Variants in CNTN3 observed in about 807,000 individuals in gnomAD.
CNTN3 encodes contactin-3.
In CNTN3, 60 loss-of-function variants were observed where a neutral mutation model predicts 119.1. That is an observed-to-expected ratio of 0.50 (90% CI 0.41 to 0.62). The LOEUF (loss-of-function observed/expected upper bound fraction) is 0.62, where lower values mean the gene tolerates loss of function less well. CNTN3 is among the 20% of genes least tolerant of loss of function. The pLI is 0.00. For missense variants in CNTN3, 1,101 were observed against 1,242.4 expected, an observed-to-expected ratio of 0.89 and a Z score of 1.71; for synonymous variants, 450 against 438.7, an observed-to-expected ratio of 1.03 and a Z score of -0.32.
At chr3:74,477,709 A>C (rs1251404040) in intron 4 of CNTN3, among the ~76,000 whole-genome samples, 1 of 152,122 alleles carries the variant, frequency 6.6e-6, no homozygotes, top group East Asian at 1.9e-4. Flanking sequence ...ATGGTTTATA[A>C]CACGAAGGAT....
intron 2 of CNTN3, among the ~76,000 whole-genome samples, chr3:74,515,826 C>T (rs984816363): frequency 1.3e-5 from 2 of 151,976 alleles, no homozygotes; most frequent in East Asian, 3.9e-4. Context: ...GGAAGTTCAG[C>T]GTTTGACCAT....
In CNTN3 at chr3:74,273,300, G is replaced by A. The variant is rs1187223888; in HGVS notation, c.2705-5922C>T. On this transcript the variant is annotated intron_variant, in intron 20 of 22. Coordinates refer to ENST00000263665, the MANE Select transcript of CNTN3 (RefSeq NM_020872.3). ...CTACTTGGAACAGATCCTGGCAAAC[G>A]GGAGGCAGGCCTAGACTGCAGCTCC... Among the ~76,000 whole-genome samples, 6 of 152,126 alleles carry A rather than the reference G, an allele frequency of 3.9e-5. No homozygotes were observed. In the South Asian group the frequency reaches 8.3e-4, roughly 21 times the overall value.
intron 1 of CNTN3, among the ~76,000 whole-genome samples, chr3:74,553,473 A>G (rs867662835): frequency 6.6e-6 from 1 of 152,148 alleles, no homozygotes; most frequent in Non-Finnish European, 1.5e-5. Flanking sequence ...GCTAGGTCAA[A>G]TGGTATTTCT....
chr3:74,347,157 T>C (rs1703710953), intron 11 of CNTN3, among the ~76,000 whole-genome samples: 1 of 152,132 alleles, frequency 6.6e-6, no homozygotes, highest in African/African-American at 2.4e-5. Context: ...TAAAATGTGA[T>C]CATTAGGTAG....
chr3:74,296,250 TAA>T (rs916763340), intron 18 of CNTN3, among the ~76,000 whole-genome samples: 11 of 152,096 alleles, frequency 7.2e-5, no homozygotes, highest in Non-Finnish European at 1.3e-4. Context: ...GCAAAAATGA[TAA>T]GAGGAGAAGA....
At chr3:74,599,565 C>T (rs1055884991) in intron 1 of CNTN3, among the ~76,000 whole-genome samples, 1 of 152,168 alleles carries the variant, frequency 6.6e-6, no homozygotes, top group Non-Finnish European at 1.5e-5. Flanking sequence ...CCCTCACATA[C>T]GCAATTCACA....
chr3:74,592,011 A>G (rs964828322), intron 1 of CNTN3, among the ~76,000 whole-genome samples: 11 of 151,922 alleles, frequency 7.2e-5, no homozygotes, highest in African/African-American at 2.7e-4. Context: ...GCAAGGGAAG[A>G]AGGCTAAAAT....
At chr3:74,411,939 T>C (rs953913849) in intron 5 of CNTN3, among the ~76,000 whole-genome samples, 1 of 152,158 alleles carries the variant, frequency 6.6e-6, no homozygotes, top group Non-Finnish European at 1.5e-5. Context: ...CTTTCAGATA[T>C]AATAATGTCA....
intron 5 of CNTN3, among the ~76,000 whole-genome samples, chr3:74,385,306 A>T (rs562339100): frequency 1.3e-5 from 2 of 152,178 alleles, no homozygotes; most frequent in Non-Finnish European, 2.9e-5. Flanking sequence ...AACATAGAAC[A>T]TCTCTCCAAA....
chr3:74,423,383 G>A (rs553472058), intron 5 of CNTN3, among the ~76,000 whole-genome samples: 9 of 152,238 alleles, frequency 5.9e-5, no homozygotes, highest in African/African-American at 1.9e-4. Flanking sequence ...CTTCATATCC[G>A]AGCCTTGCTC....
intron 10 of CNTN3, among the ~76,000 whole-genome samples, chr3:74,363,396 C>T (rs2106775346): frequency 6.6e-6 from 1 of 152,192 alleles, no homozygotes; most frequent in South Asian, 2.1e-4. Flanking sequence ...ATTTAGCAGC[C>T]TCTCTGTCCT....
intron 1 of CNTN3, among the ~76,000 whole-genome samples, chr3:74,601,271 C>T (rs1267507541): frequency 1.3e-5 from 2 of 151,956 alleles, no homozygotes; most frequent in Non-Finnish European, 2.9e-5. Context: ...TTAGAGAAGG[C>T]AGTTAATTTG....
chr3:74,287,588 T>C (rs1002182488), intron 19 of CNTN3, among the ~76,000 whole-genome samples: 72 of 152,322 alleles, frequency 4.7e-4, no homozygotes, highest in African/African-American at 1.7e-3. Flanking sequence ...TAAAAATGCA[T>C]TAAAGGTCTT....
At chr3:74,501,602 C>T (rs1044689356) in intron 2 of CNTN3, among the ~76,000 whole-genome samples, 10 of 152,108 alleles carry the variant, frequency 6.6e-5, no homozygotes, top group Non-Finnish European at 1.5e-4. Flanking sequence ...ACTTCTTAAA[C>T]TCAAAGACTG....
chr3:74,499,998 T>C (rs1703136590), intron 2 of CNTN3, among the ~76,000 whole-genome samples: 1 of 152,080 alleles, frequency 6.6e-6, no homozygotes, highest in African/African-American at 2.4e-5. Flanking sequence ...AACGTTGGTA[T>C]GAAAAATATT....
chr3:74,501,237 T>A (rs1393166554), intron 2 of CNTN3, among the ~76,000 whole-genome samples: 2 of 151,786 alleles, frequency 1.3e-5, no homozygotes, highest in African/African-American at 4.8e-5. Context: ...GAAATTTGGG[T>A]CACGTGGTAT....
intron 5 of CNTN3, among the ~76,000 whole-genome samples, chr3:74,385,950 A>G (rs1284629851): frequency 6.6e-6 from 1 of 152,232 alleles, no homozygotes; most frequent in Admixed American, 6.5e-5. Flanking sequence ...TCTCACTGTG[A>G]GCCAAATAAC....
At position 74,370,054 on chromosome 3, in the gene CNTN3, T is replaced by C. The variant is rs1023885013; in HGVS notation, c.659-63A>G. On this transcript the variant is annotated intron_variant, in intron 6 of 22. Coordinates refer to ENST00000263665, the MANE Select transcript of CNTN3 (RefSeq NM_020872.3). The stretch of plus-strand genomic sequence containing the variant: ...TTCCTTTAGAATTGCCTCGTTTTTC[T>C]TAAATAAAACTTTCTTTTGCTCCCA... 7.5e-6 allele frequency: 7 copies of C among 935,628 alleles called. No homozygotes were observed. In the African/African-American group the frequency reaches 1.2e-4, roughly 16 times the overall value. 58.0% of individuals were successfully genotyped at this position (935,628 alleles called of 1,614,324 possible). A position where few individuals can be genotyped will look rare whatever the true frequency, so the allele number is the denominator to read the frequency against.
chr3:74,485,729 A>T (rs1052071905), intron 4 of CNTN3, among the ~76,000 whole-genome samples: 4 of 116,078 alleles, frequency 3.4e-5, no homozygotes, highest in African/African-American at 1.1e-4. Context: ...ATAAAGAGAG[A>T]CTAATAAAAA....
Sources: gnomAD v4.1 joint callset for allele counts (sites outside exome capture counted in the v4.1 genomes callset) on GRCh38, gnomAD v4.1.1 for gene constraint, MANE v1.5 for transcripts, NCBI Gene and HGNC (gene_info 2026-07-23, HGNC 2026-07-21) for gene names.